The following SPG11 variants were observed in gnomAD, a reference collection of about 807,000 sequenced individuals.
SPG11 encodes the protein spatacsin.
SPG11 carries 222 observed loss-of-function variants against 274.0 expected under a neutral mutation model. The ratio of observed to expected loss-of-function variants is 0.81; its 90% CI spans 0.73 to 0.91. SPG11 has a LOEUF of 0.91. SPG11 is among the 40% of genes least tolerant of loss of function. The pLI, the probability that SPG11 is intolerant of heterozygous loss-of-function variation, is 0.00. For missense variants in SPG11, 3,114 were observed against 2,872.7 expected, an observed-to-expected ratio of 1.08 and a Z score of -1.92; for synonymous variants, 1,144 against 1,039.7, an observed-to-expected ratio of 1.10 and a Z score of -1.93.
chr15:44,579,825 G>A (rs924837404), intron 30 of SPG11, among the ~76,000 whole-genome samples: 5 of 152,176 alleles, frequency 3.3e-5, no homozygotes, highest in African/African-American at 1.2e-4. Flanking sequence ...CATATACAGT[G>A]AGGATCCTGT....
At chr15:44,636,118 G>T (rs2084242541) in intron 7 of SPG11, among the ~76,000 whole-genome samples, 1 of 152,046 alleles carries the variant, frequency 6.6e-6, no homozygotes, top group Admixed American at 6.6e-5. Flanking sequence ...ACCAGATTTT[G>T]AGAGCCAATG....
At chr15:44,663,024 T>G (rs760663433) in intron 1 of SPG11, among the ~76,000 whole-genome samples, 6 of 152,240 alleles carry the variant, frequency 3.9e-5, no homozygotes, top group Admixed American at 2.0e-4. Context: ...CATCTTTAAC[T>G]GAAAGAAATG....
chr15:44,592,037 G>C (rs1190357668), intron 27 of SPG11, among the ~76,000 whole-genome samples: 3 of 151,986 alleles, frequency 2.0e-5, no homozygotes, highest in Non-Finnish European at 4.4e-5. Context: ...CTTGAACCTG[G>C]GAGGTGGAGG....
chr15:44,649,897 A>C (rs2084715905), intron 6 of SPG11, among the ~76,000 whole-genome samples: 1 of 151,138 alleles, frequency 6.6e-6, no homozygotes, highest in Non-Finnish European at 1.5e-5. Flanking sequence ...TCCATATCAA[A>C]AAAAAAAAAA....
In SPG11 at chr15:44,585,696, A is replaced by G. The variant is rs757516750; in HGVS notation, c.5061T>C (p.Ala1687=). 6.8e-6 allele frequency: 11 copies of G among 1,613,880 alleles called. No homozygotes were observed. Among genetic ancestry groups the G allele is most frequent in the Non-Finnish European group, 9.3e-6 (11 of 1,179,928 alleles). ...LERLQTDGQF[A]LARRVAELAE... is the part of the protein sequence containing the mutation. ...CTAATTCTGCTACCCTCCTGGCCAA[A>G]GCGAATTGTCCATCTGTCTGCAGTC... The change falls in exon 29 of 40, where the codon GCT becomes GCC. Residue 1687 remains alanine (A), a synonymous_variant. Coordinates refer to ENST00000261866, the MANE Select transcript of SPG11 (RefSeq NM_025137.4).
chr15:44,619,721 ATTT>A (rs1231420239), intron 15 of SPG11, among the ~76,000 whole-genome samples: 3 of 135,714 alleles, frequency 2.2e-5, no homozygotes, highest in Non-Finnish European at 3.2e-5. Context: ...AATGCATATG[ATTT>A]TTTTTTTTTT....
At position 44,599,960 on chromosome 15, in the gene SPG11, T is replaced by A. The variant is rs181116384; in HGVS notation, c.3686+507A>T. 1.5e-3 allele frequency among the ~76,000 whole-genome samples: 229 copies of A among 152,292 alleles called. 1 individual carries two copies. The highest frequency in any genetic ancestry group is 5.1e-3 in the African/African-American group (214 of 41,566). ...GGCACCTATCAACCCGTCATCTAGGTTTTAAGCCCCGCATGCATTAGGTAT... is the reference window on the plus strand; with the variant it reads ...GGCACCTATCAACCCGTCATCTAGGATTTAAGCCCCGCATGCATTAGGTAT... On this transcript the variant is annotated intron_variant, in intron 21 of 39. Coordinates refer to ENST00000261866, the MANE Select transcript of SPG11 (RefSeq NM_025137.4).
intron 36 of SPG11, 46 bp downstream of exon 36, chr15:44,567,378 C>T (rs2082332141): frequency 6.4e-7 from 1 of 1,552,310 alleles, no homozygotes; most frequent in Non-Finnish European, 8.8e-7. Context: ...GGAATTTTAC[C>T]TAGCTAGCAG....
Position 44,633,677 on chromosome 15 carries a change from A to T in SPG11, c.1603-40T>A, listed in dbSNP as rs745952911. 3.8e-6 allele frequency: 6 copies of T among 1,594,826 alleles called. No homozygotes were observed. The South Asian group carries it at 5.6e-5, about 15-fold the overall frequency. ...AAAATAAAAATCAGAAAAAAATTAC[A>T]ATAGGAAAAAAAAATCAGGATTCAG... On this transcript the variant is annotated intron_variant, in intron 7 of 39. Coordinates refer to ENST00000261866, the MANE Select transcript of SPG11 (RefSeq NM_025137.4).
chr15:44,565,890 C>T lies in SPG11; in HGVS notation c.6963G>A (p.Leu2321=). The T allele has an allele frequency of 6.2e-7, 1 of 1,614,096 alleles. No individual in the cohort carries two copies. Among genetic ancestry groups the T allele is most frequent in the Non-Finnish European group, 8.5e-7 (1 of 1,180,030 alleles). ...TMLINLGRHK[L]MDCILALPRF... Reference sequence around the variant, plus strand: ...GAGGTAGGGCCAGAATACAGTCCATCAGCTTGTGGCGGCCCAAGTTGATGA... The same window carrying T: ...GAGGTAGGGCCAGAATACAGTCCATTAGCTTGTGGCGGCCCAAGTTGATGA... The change falls in exon 38 of 40, where the codon CTG becomes CTA. Residue 2321 remains leucine, a synonymous_variant. Coordinates refer to ENST00000261866, the MANE Select transcript of SPG11 (RefSeq NM_025137.4).
intron 4 of SPG11, among the ~76,000 whole-genome samples, chr15:44,654,072 G>A (rs1017567077): frequency 6.6e-6 from 1 of 152,134 alleles, no homozygotes; most frequent in African/African-American, 2.4e-5. Context: ...TCCTGCCTCA[G>A]CCTCCGGAGT....
intron 23 of SPG11, 38 bp from the exon 24 acceptor site, chr15:44,596,981 AAC>A: frequency 1.9e-6 from 3 of 1,606,736 alleles, no homozygotes; most frequent in Non-Finnish European, 2.6e-6. Flanking sequence ...GTCAAGAAAA[AAC>A]AAAAAACTCA....
intron 4 of SPG11, among the ~76,000 whole-genome samples, chr15:44,656,026 T>C (rs2084930055): frequency 6.6e-6 from 1 of 151,662 alleles, no homozygotes; most frequent in Non-Finnish European, 1.5e-5. Context: ...AGAGAGGAAA[T>C]GGAGAAAGGC....
chr15:44,580,542 GC>G (rs1672818356), intron 30 of SPG11, among the ~76,000 whole-genome samples: 1 of 152,260 alleles, frequency 6.6e-6, no homozygotes, highest in Admixed American at 6.5e-5. Context: ...ACTTTGGGAG[GC>G]CGACGCGGGC....
intron 33 of SPG11, among the ~76,000 whole-genome samples, chr15:44,571,501 T>C (rs202056354): frequency 0.015 from 2,179 of 147,680 alleles, 41 homozygotes; most frequent in East Asian, 0.041. Context: ...CTTTTCTTTT[T>C]TTTTTTTTTT....
At chr15:44,627,445 C>T (rs1236306811) in intron 10 of SPG11, among the ~76,000 whole-genome samples, 1 of 152,018 alleles carries the variant, frequency 6.6e-6, no homozygotes, top group African/African-American at 2.4e-5. Flanking sequence ...ATAACCCCTT[C>T]CCCTGGCAAA....
intron 39 of SPG11, 108 bp downstream of exon 39, chr15:44,564,439 G>T: frequency 9.3e-7 from 1 of 1,079,452 alleles, no homozygotes; most frequent in Non-Finnish European, 1.4e-6. Flanking sequence ...GCCATTTTAA[G>T]TAGAGGTAAT....
At chr15:44,621,018 C>T (rs2083732357) in intron 14 of SPG11, 1 of 153,916 alleles carries the variant, frequency 6.5e-6, no homozygotes, top group African/African-American at 2.4e-5. Context: ...AATATATATT[C>T]TGTAGAGATG....
chr15:44,574,583 A>C (rs2082494692), intron 31 of SPG11, among the ~76,000 whole-genome samples: 1 of 152,094 alleles, frequency 6.6e-6, no homozygotes, highest in Admixed American at 6.6e-5. Flanking sequence ...CACAATCATA[A>C]TGCAAAACCC....
Sources: allele counts gnomAD v4.1 joint callset (sites outside exome capture counted in the v4.1 genomes callset), GRCh38; gene constraint gnomAD v4.1.1; transcripts MANE v1.5; gene names NCBI Gene and HGNC (gene_info 2026-07-23, HGNC 2026-07-21).